CDC42BPA: variants seen among roughly 807,000 people sequenced by gnomAD.
The protein encoded by CDC42BPA is CDC42 binding protein kinase alpha.
CDC42BPA carries 80 observed loss-of-function variants against 223.5 expected under a neutral mutation model. The observed-to-expected ratio is 0.36, with a 90% confidence interval of 0.30 to 0.43. The LOEUF (loss-of-function observed/expected upper bound fraction) is 0.43, where lower values mean the gene tolerates loss of function less well. Among genes scored for constraint, CDC42BPA ranks in the 20% least tolerant of loss-of-function variants. The probability of loss-of-function intolerance (pLI) is 1.00; values close to 1 mark genes in which losing one functional copy is unlikely to be tolerated. For synonymous variants in CDC42BPA, 694 were observed against 718.6 expected, an observed-to-expected ratio of 0.97 and a Z score of 0.55; for missense variants, 1,743 against 2,099.9, an observed-to-expected ratio of 0.83 and a Z score of 3.32.
In CDC42BPA at chr1:227,300,603, A is replaced by G. The variant is rs548071659; in HGVS notation, c.178+16402T>C. Among the ~76,000 whole-genome samples the G allele has an allele frequency of 1.6e-4, 25 of 152,328 alleles. No homozygotes were observed. In the East Asian group the frequency reaches 3.5e-3, roughly 21 times the overall value. On this transcript the variant is annotated intron_variant, in intron 1 of 36. Transcript: ENST00000366766. ...AACCAAATACCGTATGTTCTCACTTATAAGTGGGAGCTAAGCTATGGGTAC... is the reference window on the plus strand; with the variant it reads ...AACCAAATACCGTATGTTCTCACTTGTAAGTGGGAGCTAAGCTATGGGTAC...
Position 227,145,593 on chromosome 1 carries a change from C to T in CDC42BPA, c.1039G>A (p.Asp347Asn), listed in dbSNP as rs1380276987. 1 of 1,613,796 alleles carries T rather than the reference C, an allele frequency of 6.2e-7. No individual in the cohort carries two copies. The highest frequency in any genetic ancestry group is 8.5e-7 in the Non-Finnish European group (1 of 1,179,802). The stretch of plus-strand genomic sequence containing the variant: ...TCACAGTTCCGAATATTATCCCAAT[C>T]AATTCCACTGAAAAATGGGTGTTTC... ...FKKHPFFSGI[D>N]WDNIRNCEAP... Residue 347 changes from aspartate (D) to asparagine (N), a missense_variant, in exon 8 of 37, where the codon GAT (aspartate) becomes AAT (asparagine). This residue lies in a region of CDC42BPA where 321 missense variants were observed against 488.7 expected (regional missense o/e 0.66). Transcript: ENST00000366766.
At chr1:227,017,151 T>C in intron 32 of CDC42BPA, 101 bp from the exon 33 acceptor site, 3 of 1,034,094 alleles carry the variant, frequency 2.9e-6, no homozygotes, top group Non-Finnish European at 4.1e-6. Context: ...ATAGTACAAG[T>C]ACATGCAATT....
Position 226,994,230 on chromosome 1 carries a change from A to C in CDC42BPA, c.*38T>G. The C allele has an allele frequency of 6.5e-7, 1 of 1,546,830 alleles. No homozygotes were observed. Among genetic ancestry groups the C allele is most frequent in the Non-Finnish European group, 8.7e-7 (1 of 1,143,348 alleles). ...ATGAAAGTGAGAGGAGGCGAGTGGCAGGGAGCGGAGAGCGAGAGGTCCCAG... is the reference window on the plus strand; with the variant it reads ...ATGAAAGTGAGAGGAGGCGAGTGGCCGGGAGCGGAGAGCGAGAGGTCCCAG... On this transcript the variant is annotated 3_prime_UTR_variant, in exon 37 of 37. Coordinates refer to ENST00000366766, the MANE Select transcript of CDC42BPA (RefSeq NM_001394014.1). The surrounding 1 kb of genome is among the most constrained non-coding windows in gnomAD (Gnocchi z 4.0).
chr1:227,071,600 A>G (rs910717501), intron 20 of CDC42BPA, among the ~76,000 whole-genome samples: 1 of 151,766 alleles, frequency 6.6e-6, no homozygotes, highest in Non-Finnish European at 1.5e-5. Flanking sequence ...TCAAACTGGA[A>G]GAAGACATTA....
intron 6 of CDC42BPA, among the ~76,000 whole-genome samples, chr1:227,157,661 T>C (rs560096212): frequency 5.6e-4 from 85 of 152,176 alleles, no homozygotes; most frequent in Non-Finnish European, 5.3e-4. Context: ...CATTTTTTTT[T>C]CCCCACATCT....
chr1:227,309,789 C>A (rs1693204406), intron 1 of CDC42BPA, among the ~76,000 whole-genome samples: 1 of 152,092 alleles, frequency 6.6e-6, no homozygotes, highest in Non-Finnish European at 1.5e-5. Flanking sequence ...ATTAAGAGAT[C>A]TCTCAGTAAT....
At chr1:227,212,214 A>C (rs1674046964) in intron 3 of CDC42BPA, among the ~76,000 whole-genome samples, 1 of 152,180 alleles carries the variant, frequency 6.6e-6, no homozygotes, top group South Asian at 2.1e-4. Flanking sequence ...TCTCCAAATA[A>C]ATAAATAATG....
chr1:227,035,655 A>AT, intron 24 of CDC42BPA, 48 bp from the exon 25 acceptor site: 1 of 1,491,404 alleles, frequency 6.7e-7, no homozygotes, highest in Non-Finnish European at 9.0e-7. Context: ...ATTTTAACAA[A>AT]AAGAAAATTC....
At chr1:227,132,864 C>G (rs1225285380) in intron 10 of CDC42BPA, among the ~76,000 whole-genome samples, 1 of 151,130 alleles carries the variant, frequency 6.6e-6, no homozygotes, top group Non-Finnish European at 1.5e-5. Context: ...CCGGCCGCCC[C>G]GTCTGAGAAG....
intron 5 of CDC42BPA, among the ~76,000 whole-genome samples, chr1:227,193,338 G>T (rs968552719): frequency 6.6e-6 from 1 of 152,048 alleles, no homozygotes; most frequent in Admixed American, 6.5e-5. Flanking sequence ...GGGATTACAA[G>T]CGTGAGCAAC....
At chr1:227,281,231 A>G (rs1053387896) in intron 1 of CDC42BPA, among the ~76,000 whole-genome samples, 1 of 152,236 alleles carries the variant, frequency 6.6e-6, no homozygotes, top group African/African-American at 2.4e-5. Context: ...ATCAATCATT[A>G]GAACGCTTTC....
intron 21 of CDC42BPA, among the ~76,000 whole-genome samples, chr1:227,055,257 G>A (rs74140258): frequency 0.28 from 43,087 of 151,630 alleles, 6,331 homozygotes; most frequent in African/African-American, 0.35. Flanking sequence ...CTCGGTTACC[G>A]CCAGTGTAAA....
In CDC42BPA at chr1:227,134,525, C is replaced by T. The variant is rs117287436; in HGVS notation, c.1390+5051G>A. On this transcript the variant is annotated intron_variant, in intron 10 of 36. Coordinates refer to ENST00000366766, the MANE Select transcript of CDC42BPA (RefSeq NM_001394014.1). ...ACCTTCCTAACTCTCAGTGGATGAC[C>T]CTACTTTGTATGTGATTTATTGTCT... Among the ~76,000 whole-genome samples, 333 of 152,234 alleles carry T rather than the reference C, an allele frequency of 2.2e-3. 9 individuals carry two copies. The East Asian group carries it at 0.045, about 21-fold the overall frequency.
At chr1:227,016,015 A>C in intron 34 of CDC42BPA, 65 bp downstream of exon 34, 1 of 798,558 alleles carries the variant, frequency 1.3e-6, no homozygotes, top group Non-Finnish European at 2.2e-6. Flanking sequence ...CCATGTATTT[A>C]AGCCTATGTA....
chr1:227,291,315 G>A (rs533414892), intron 1 of CDC42BPA, among the ~76,000 whole-genome samples: 18 of 152,202 alleles, frequency 1.2e-4, no homozygotes, highest in Middle Eastern at 3.4e-3. Context: ...TTGGGAGGCC[G>A]AAGCAGGCGG....
At chr1:227,231,101 C>T (rs1441550251) in intron 2 of CDC42BPA, among the ~76,000 whole-genome samples, 1 of 151,628 alleles carries the variant, frequency 6.6e-6, no homozygotes, top group Non-Finnish European at 1.5e-5. Flanking sequence ...TCGTCATTTA[C>T]ATTAGGTATA....
intron 1 of CDC42BPA, among the ~76,000 whole-genome samples, chr1:227,275,942 C>T (rs1277117469): frequency 6.6e-6 from 1 of 152,210 alleles, no homozygotes; most frequent in African/African-American, 2.4e-5. Context: ...GGCCTGATCT[C>T]GGCTCGCTAC....
intron 10 of CDC42BPA, among the ~76,000 whole-genome samples, chr1:227,130,367 T>C (rs1411074754): frequency 6.6e-6 from 1 of 152,234 alleles, no homozygotes; most frequent in Admixed American, 6.5e-5. Flanking sequence ...AGGTATAAGA[T>C]ATACTAGATT....
intron 4 of CDC42BPA, among the ~76,000 whole-genome samples, chr1:227,194,550 A>T (rs1410906841): frequency 6.6e-6 from 1 of 152,188 alleles, no homozygotes; most frequent in Non-Finnish European, 1.5e-5. Context: ...GAAGCCAACT[A>T]ATTTTAGATA....
Sources: gnomAD v4.1 joint callset for allele counts (sites outside exome capture counted in the v4.1 genomes callset) on GRCh38, gnomAD v4.1.1 for gene constraint, gnomAD v4.1.1 regional missense constraint, Gnocchi (gnomAD v3.1) non-coding constraint, MANE v1.5 for transcripts, NCBI Gene and HGNC (gene_info 2026-07-23, HGNC 2026-07-21) for gene names.